NEK3: variants seen among roughly 807,000 people sequenced by gnomAD.
NEK3 encodes serine/threonine-protein kinase Nek3.
A neutral mutation model predicts 66.0 loss-of-function variants in NEK3; 54 were observed. That is an observed-to-expected ratio of 0.82 (90% CI 0.66 to 1.03). The LOEUF (loss-of-function observed/expected upper bound fraction) is 1.03. Among genes scored for constraint, NEK3 ranks in the 50% least tolerant of loss-of-function variants. The probability of loss-of-function intolerance (pLI) is 0.00; values close to 1 mark genes in which losing one functional copy is unlikely to be tolerated. For missense variants in NEK3, 593 were observed against 603.0 expected, an observed-to-expected ratio of 0.98 and a Z score of 0.17; for synonymous variants, 200 against 206.2, an observed-to-expected ratio of 0.97 and a Z score of 0.26.
At chr13:52,154,644 A>G (rs1257605591) in intron 2 of NEK3, among the ~76,000 whole-genome samples, 1 of 151,908 alleles carries the variant, frequency 6.6e-6, no homozygotes, top group Non-Finnish European at 1.5e-5. Context: ...GTATGCTGGT[A>G]TATTACTGCA....
intron 11 of NEK3, among the ~76,000 whole-genome samples, chr13:52,138,295 T>TA (rs1423768757): frequency 6.6e-6 from 1 of 152,228 alleles, no homozygotes; most frequent in East Asian, 1.9e-4. Context: ...GTGTTGGTAT[T>TA]ACAGGCGTAA....
chr13:52,141,623 G>A (rs1956250763), intron 10 of NEK3, among the ~76,000 whole-genome samples: 1 of 152,100 alleles, frequency 6.6e-6, no homozygotes, highest in African/African-American at 2.4e-5. Flanking sequence ...GGATGATGAT[G>A]CACTGAGAAT....
intron 2 of NEK3, 52 bp from the exon 3 acceptor site, chr13:52,154,225 A>G (rs923493125): frequency 1.6e-5 from 18 of 1,115,588 alleles, no homozygotes; most frequent in Admixed American, 4.9e-5. Context: ...TTTAAAATAC[A>G]TAACTTTACA....
At chr13:52,151,478 G>A (rs139545285) in intron 5 of NEK3, 86 bp from the exon 6 acceptor site, 504 of 1,197,880 alleles carry the variant, frequency 4.2e-4, no homozygotes, top group Middle Eastern at 2.4e-3. Context: ...TGCTGATGAT[G>A]GAGATTAAGG....
In NEK3 at chr13:52,144,801, A is replaced by G; in HGVS notation, c.694T>C (p.Phe232Leu). Residue 232 changes from phenylalanine to leucine, a missense_variant, in exon 9 of 16, where the codon TTC becomes CTC. Coordinates refer to ENST00000610828, the MANE Select transcript of NEK3 (RefSeq NM_002498.3). ...LPSHYSYELQFLVKQMFKRNP... is the reference protein window; with the variant it reads ...LPSHYSYELQLLVKQMFKRNP... ...CTTTTAAACATCTGCTTGACTAGGA[A>G]CTGAAGTTCATAGGAGTAATGAGAC... The G allele has an allele frequency of 6.2e-7, 1 of 1,613,564 alleles. No homozygotes were observed. The highest frequency in any genetic ancestry group is 1.7e-5 in the Admixed American group (1 of 59,970).
intron 7 of NEK3, among the ~76,000 whole-genome samples, chr13:52,149,793 C>T (rs1566858966): frequency 6.6e-6 from 1 of 151,046 alleles, no homozygotes; most frequent in Non-Finnish European, 1.5e-5. Context: ...CACTTGAACT[C>T]GTGAGGCAGA....
At chr13:52,141,969 C>A (rs1956254281) in intron 10 of NEK3, among the ~76,000 whole-genome samples, 1 of 151,604 alleles carries the variant, frequency 6.6e-6, no homozygotes, top group African/African-American at 2.4e-5. Flanking sequence ...TGCCTGTAAT[C>A]CCAGCCACTC....
intron 2 of NEK3, among the ~76,000 whole-genome samples, 187 bp downstream of exon 2, chr13:52,155,888 G>A (rs1233336149): frequency 6.6e-6 from 1 of 151,814 alleles, no homozygotes; most frequent in Non-Finnish European, 1.5e-5. Flanking sequence ...TCCCCATGTT[G>A]GCCAGGCTGG....
chr13:52,136,012 T>C, intron 13 of NEK3, 104 bp downstream of exon 13: 1 of 1,509,182 alleles, frequency 6.6e-7, no homozygotes, highest in Non-Finnish European at 9.0e-7. Flanking sequence ...CTCTGATGTG[T>C]GACGCCAAAT....
rs114446963 is a variant in NEK3 at position 52,150,078 on chromosome 13, T to C, written c.548+1068A>G. On this transcript the variant is annotated intron_variant, in intron 7 of 15. Transcript: ENST00000610828. ...GTCCCAATAAGTCCCTGTAGAGCTGTTTTGTCCCCATTCAGTCAATTCTAC... is the reference window on the plus strand; with the variant it reads ...GTCCCAATAAGTCCCTGTAGAGCTGCTTTGTCCCCATTCAGTCAATTCTAC... Among the ~76,000 whole-genome samples the C allele has an allele frequency of 2.4e-3, 368 of 152,312 alleles. 3 individuals are homozygous for C. Among genetic ancestry groups the C allele is most frequent in the African/African-American group, 8.5e-3 (352 of 41,560 alleles).
At chr13:52,148,523 C>CA in intron 7 of NEK3, 54 bp from the exon 8 acceptor site, 2 of 1,478,092 alleles carry the variant, frequency 1.4e-6, no homozygotes, top group East Asian at 4.5e-5. Flanking sequence ...TTTTCTAGTA[C>CA]AAAAAATAAT....
intron 8 of NEK3, 149 bp from the exon 9 acceptor site, chr13:52,145,040 T>C: frequency 1.6e-6 from 1 of 611,932 alleles, no homozygotes; most frequent in South Asian, 2.0e-5. Context: ...TACCATTATA[T>C]AATCTTAAGG....
At chr13:52,139,443 T>C (rs1437204148) in intron 11 of NEK3, among the ~76,000 whole-genome samples, 2 of 152,216 alleles carry the variant, frequency 1.3e-5, no homozygotes, top group African/African-American at 4.8e-5. Context: ...GAGTTATTGC[T>C]TAACAGGTAC....
chr13:52,139,140 G>T (rs958195204), intron 11 of NEK3, among the ~76,000 whole-genome samples: 2 of 152,124 alleles, frequency 1.3e-5, no homozygotes. Context: ...TTGATTCTTG[G>T]GATAACAAGG....
chr13:52,135,161 T>C (rs1956192457), intron 14 of NEK3, among the ~76,000 whole-genome samples: 1 of 152,098 alleles, frequency 6.6e-6, no homozygotes, highest in African/African-American at 2.4e-5. Context: ...AGGAGAGTAT[T>C]ATAAAAAAAT....
chr13:52,155,758 C>T (rs1315179373), intron 2 of NEK3, among the ~76,000 whole-genome samples: 1 of 152,162 alleles, frequency 6.6e-6, no homozygotes, highest in African/African-American at 2.4e-5. Context: ...CTTACTGCAA[C>T]CTCTGCCTCC....
At chr13:52,141,477 T>C (rs909134826) in intron 10 of NEK3, among the ~76,000 whole-genome samples, 9 of 152,192 alleles carry the variant, frequency 5.9e-5, no homozygotes, top group Middle Eastern at 3.2e-3. Flanking sequence ...GTGAGCTGTT[T>C]ATTAACTCAG....
chr13:52,142,300 G>A lies in NEK3; in HGVS notation c.878-1231C>T, dbSNP rs1302776429. ...ATCTCTTTTTTTTTTTTTTGGAGAC[G>A]GAGTCTCGCTCTGTTGCCCAGGCTG... is the stretch of plus-strand genomic sequence containing the variant. On this transcript the variant is annotated intron_variant, in intron 10 of 15. Transcript: ENST00000610828. Among the ~76,000 whole-genome samples, 7 of 149,394 alleles carry A rather than the reference G, an allele frequency of 4.7e-5. No individual in the cohort carries two copies. The South Asian group carries it at 1.1e-3, about 23-fold the overall frequency.
At chr13:52,150,085 C>A (rs1956330400) in intron 7 of NEK3, among the ~76,000 whole-genome samples, 1 of 151,954 alleles carries the variant, frequency 6.6e-6, no homozygotes, top group African/African-American at 2.4e-5. Flanking sequence ...CTGTTTTGTC[C>A]CCATTCAGTC....
Sources: allele counts gnomAD v4.1 joint callset (sites outside exome capture counted in the v4.1 genomes callset), GRCh38; gene constraint gnomAD v4.1.1; transcripts MANE v1.5; gene names NCBI Gene and HGNC (gene_info 2026-07-23, HGNC 2026-07-21).